Variants in PDZD2 observed in about 807,000 individuals in gnomAD.
PDZD2 encodes the protein PDZ domain containing 2.
In PDZD2, 90 loss-of-function variants were observed where a neutral mutation model predicts 220.7. That is an observed-to-expected ratio of 0.41 (90% CI 0.34 to 0.49). The LOEUF (loss-of-function observed/expected upper bound fraction) is 0.49. Ranked by LOEUF, PDZD2 falls within the 20% of genes least tolerant of loss-of-function variation. The pLI is 0.28. For synonymous variants in PDZD2, 1,375 were observed against 1,450.5 expected (o/e 0.95, Z 1.18); for missense variants, 3,174 against 3,608.5 (o/e 0.88, Z 3.08).
rs142167500 is a variant in PDZD2, at chr5:32,024,830, G to A, written c.1408-12401G>A. On this transcript the variant is annotated intron_variant, in intron 6 of 24. Coordinates refer to ENST00000438447, the MANE Select transcript of PDZD2 (RefSeq NM_178140.4). ...CATTTCAGGCTTTGCTAGCCAAACA[G>A]TCTTTGTTTCAACTGCTCACCTCTG... Among the ~76,000 whole-genome samples the A allele has an allele frequency of 8.2e-3, 1,243 of 152,366 alleles. 14 individuals are homozygous for A. The highest frequency in any genetic ancestry group is 0.029 in the African/African-American group (1,190 of 41,592).
chr5:32,066,359 GTCAC>G (rs1740215512), intron 14 of PDZD2, among the ~76,000 whole-genome samples: 1 of 152,056 alleles, frequency 6.6e-6, no homozygotes, highest in Admixed American at 6.6e-5. Context: ...CAATCAATCA[GTCAC>G]TCAATCCAAT....
intron 6 of PDZD2, among the ~76,000 whole-genome samples, chr5:32,035,176 AT>A (rs767970304): frequency 2.2e-4 from 34 of 152,360 alleles, no homozygotes; most frequent in South Asian, 1.7e-3. Context: ...TGTATACAGA[AT>A]TTGTATATAA....
rs374328410 is a variant in PDZD2 at position 32,089,132 on chromosome 5, A to G, written c.5684A>G (p.Lys1895Arg). Reference protein sequence around the residue: ...LKRLSLKGKAKVNSEAPAANA... With the variant: ...LKRLSLKGKARVNSEAPAANA... The stretch of plus-strand genomic sequence containing the variant: ...AGGCTCAGCCTCAAGGGCAAGGCCA[A>G]AGTCAACTCTGAGGCCCCTGCTGCG... The change falls in exon 20 of 25, where the codon AAA becomes AGA. Residue 1895 changes from lysine (K) to arginine (R), a missense_variant. This residue lies in a region of PDZD2 where 1,861 missense variants were observed against 2,001.0 expected (regional missense o/e 0.93). Coordinates refer to ENST00000438447, the MANE Select transcript of PDZD2 (RefSeq NM_178140.4). The G allele has an allele frequency of 1.1e-5, 17 of 1,614,096 alleles. No homozygotes were observed. The African/African-American group carries it at 2.1e-4, about 20-fold the overall frequency.
Position 32,010,490 on chromosome 5 carries a change from G to A in PDZD2, c.1407+8G>A, listed in dbSNP as rs1381899295. ...TCTTCTGTCCAGAGAGCAGTAAGTG[G>A]CTCTGTGCTCCTGGCTTTCTGTTGG... On this transcript the variant is annotated splice_region_variant and intron_variant, in intron 6 of 24. Coordinates refer to ENST00000438447, the MANE Select transcript of PDZD2 (RefSeq NM_178140.4). The A allele has an allele frequency of 6.2e-7, 1 of 1,600,854 alleles. No individual in the cohort carries two copies. The highest frequency in any genetic ancestry group is 1.1e-5 in the South Asian group (1 of 90,448).
intron 1 of PDZD2, among the ~76,000 whole-genome samples, chr5:31,651,994 A>ATTTTTTTTTT (rs10676854): frequency 7.7e-6 from 1 of 130,320 alleles, no homozygotes; most frequent in African/African-American, 2.9e-5. Context: ...TAATTTTTGT[A>ATTTTTTTTTT]TTTTTTTTTT....
intron 1 of PDZD2, among the ~76,000 whole-genome samples, chr5:31,640,010 A>T (rs1437374046): frequency 6.6e-6 from 1 of 151,946 alleles, no homozygotes; most frequent in Non-Finnish European, 1.5e-5. Flanking sequence ...GAGATGGGGA[A>T]CATAGTGATA....
At position 32,095,063 on chromosome 5, in the gene PDZD2, T is replaced by C. The variant is rs552814493; in HGVS notation, c.7845+2039T>C. Among the ~76,000 whole-genome samples, 4 of 152,298 alleles carry C rather than the reference T, an allele frequency of 2.6e-5. No homozygotes were observed. The East Asian group carries it at 7.7e-4, about 29-fold the overall frequency. On this transcript the variant is annotated intron_variant, in intron 21 of 24. Transcript: ENST00000438447. The stretch of plus-strand genomic sequence containing the variant: ...GGGGTCACACGTTGCCAGGCCCCCT[T>C]TACCCCAGACATTTTAGTGTTAGAT...
chr5:31,911,773 T>C (rs1295307816), intron 2 of PDZD2, among the ~76,000 whole-genome samples: 1 of 152,204 alleles, frequency 6.6e-6, no homozygotes, highest in Non-Finnish European at 1.5e-5. Flanking sequence ...CGCTGGCTGC[T>C]GAGTCCCCAG....
intron 1 of PDZD2, among the ~76,000 whole-genome samples, chr5:31,705,659 A>G (rs542768199): frequency 9.2e-5 from 14 of 152,384 alleles, no homozygotes; most frequent in African/African-American, 3.4e-4. Context: ...ATACAATATG[A>G]CTGAAATAGA....
chr5:32,050,342 C>A (rs1311892237), intron 8 of PDZD2, among the ~76,000 whole-genome samples: 2 of 152,158 alleles, frequency 1.3e-5, no homozygotes, highest in Non-Finnish European at 2.9e-5. Context: ...GCATTTGTAG[C>A]CCAGAAACAT....
At chr5:31,789,927 A>G (rs1180169009) in intron 1 of PDZD2, among the ~76,000 whole-genome samples, 1 of 151,686 alleles carries the variant, frequency 6.6e-6, no homozygotes, top group Non-Finnish European at 1.5e-5. Context: ...TCCAAACAAC[A>G]AAAAAAAATT....
At chr5:32,026,964 A>C (rs1366354696) in intron 6 of PDZD2, among the ~76,000 whole-genome samples, 1 of 152,120 alleles carries the variant, frequency 6.6e-6, no homozygotes, top group East Asian at 1.9e-4. Context: ...GTGCAGTGGC[A>C]CGATCTCGGC....
intron 2 of PDZD2, among the ~76,000 whole-genome samples, chr5:31,921,603 T>TC (rs1744263328): frequency 6.6e-6 from 1 of 152,020 alleles, no homozygotes; most frequent in South Asian, 2.1e-4. Context: ...GGCAGGAGGA[T>TC]CGCTTGAGCT....
chr5:31,985,753 G>A (rs987443830), intron 3 of PDZD2, among the ~76,000 whole-genome samples: 7 of 152,000 alleles, frequency 4.6e-5, no homozygotes, highest in African/African-American at 7.2e-5. Context: ...TTAATTAAAC[G>A]TAATAATACT....
At chr5:31,980,780 G>C (rs977238121) in intron 2 of PDZD2, among the ~76,000 whole-genome samples, 5 of 152,068 alleles carry the variant, frequency 3.3e-5, no homozygotes, top group Non-Finnish European at 7.4e-5. Context: ...CTAGTGGATG[G>C]TGTTTGTTTG....
chr5:31,998,295 C>T (rs1751802804), intron 4 of PDZD2, among the ~76,000 whole-genome samples: 1 of 152,196 alleles, frequency 6.6e-6, no homozygotes, highest in Non-Finnish European at 1.5e-5. Context: ...CCATTCCAAA[C>T]AACTAGTGGG....
At chr5:31,719,706 G>A (rs1748671236) in intron 1 of PDZD2, among the ~76,000 whole-genome samples, 1 of 152,142 alleles carries the variant, frequency 6.6e-6, no homozygotes, top group East Asian at 1.9e-4. Flanking sequence ...AAGAGGACTT[G>A]AGAAGCTAAT....
rs773398820 is a variant in PDZD2 at position 31,799,183 on chromosome 5, G to C, written c.-66G>C. 9.3e-7 allele frequency: 1 copy of C among 1,080,222 alleles called. No individual in the cohort carries two copies. The highest frequency in any genetic ancestry group is 2.4e-5 in the Admixed American group (1 of 42,388). The allele number at this position is 1,080,222 out of a possible 1,614,324, so 66.9% of individuals were successfully genotyped here. ...TGGCCAGGGACCCCAGGGGACGTGG[G>C]GCCCTGTGGGGTCTGGCCCCCAGGA... On this transcript the variant is annotated 5_prime_UTR_variant, in exon 2 of 25. Coordinates refer to ENST00000438447, the MANE Select transcript of PDZD2 (RefSeq NM_178140.4).
chr5:32,055,167 C>T (rs1738977872), intron 10 of PDZD2, among the ~76,000 whole-genome samples: 2 of 152,060 alleles, frequency 1.3e-5, no homozygotes, highest in Non-Finnish European at 1.5e-5. Context: ...CCCAGAAGTT[C>T]TGAACACACA....
Sources: allele counts gnomAD v4.1 joint callset (sites outside exome capture counted in the v4.1 genomes callset), GRCh38; gene constraint gnomAD v4.1.1; regional missense constraint gnomAD v4.1.1; transcripts MANE v1.5; gene names NCBI Gene and HGNC (gene_info 2026-07-23, HGNC 2026-07-21).